TRMT10A: variants seen among roughly 807,000 people sequenced by gnomAD.
The protein encoded by TRMT10A is tRNA methyltransferase 10 homolog A.
TRMT10A carries 37 observed loss-of-function variants against 40.4 expected under a neutral mutation model. That is an observed-to-expected ratio of 0.92 (90% CI 0.71 to 1.21). The LOEUF is 1.21. TRMT10A is among the 50% of genes most tolerant of loss of function. TRMT10A has a pLI of 0.00. For synonymous variants in TRMT10A, 103 were observed against 134.1 expected (o/e 0.77, Z 1.60); for missense variants, 388 against 404.3 (o/e 0.96, Z 0.35).
rs367702691 is a variant in TRMT10A at position 99,552,888 on chromosome 4, T to TG, written c.645+896dup. On this transcript the variant is annotated intron_variant, in intron 6 of 7. Transcript: ENST00000394876. Reference sequence around the variant, plus strand: ...GTCAACTGATGGTTTGCATACTTGGTGGGGGGGGGAGGCAGCAAATAATAA... The same window carrying TG: ...GTCAACTGATGGTTTGCATACTTGGTGGGGGGGGGGAGGCAGCAAATAATAA... 4.5e-3 allele frequency among the ~76,000 whole-genome samples: 670 copies of TG among 148,616 alleles called. 7 individuals are homozygous for TG. Among genetic ancestry groups the TG allele is most frequent in the African/African-American group, 0.012 (494 of 40,626 alleles).
intron 5 of TRMT10A, among the ~76,000 whole-genome samples, chr4:99,555,382 C>T (rs1305215692): frequency 6.6e-6 from 1 of 152,126 alleles, no homozygotes; most frequent in Non-Finnish European, 1.5e-5. Flanking sequence ...CCCAGTACTT[C>T]CCTAAATAGG....
At chr4:99,563,867 G>T in intron 1 of TRMT10A, 46 bp downstream of exon 1, 2 of 694,060 alleles carry the variant, frequency 2.9e-6, no homozygotes, top group Non-Finnish European at 5.2e-6. Flanking sequence ...TGCGTCCAGA[G>T]AATACCATAG....
At chr4:99,558,244 T>G in intron 2 of TRMT10A, 33 bp from the exon 3 acceptor site, 1 of 1,533,534 alleles carries the variant, frequency 6.5e-7, no homozygotes, top group East Asian at 2.3e-5. Context: ...CATTTTGTTA[T>G]TGTGTATTCA....
intron 1 of TRMT10A, among the ~76,000 whole-genome samples, chr4:99,563,008 A>T (rs903979142): frequency 6.6e-6 from 1 of 151,996 alleles, no homozygotes; most frequent in Non-Finnish European, 1.5e-5. Context: ...TTCAGTAGAG[A>T]CGGGGTTTCA....
intron 3 of TRMT10A, 66 bp downstream of exon 3, chr4:99,557,983 A>G: frequency 7.1e-7 from 1 of 1,409,738 alleles, no homozygotes; most frequent in Non-Finnish European, 9.4e-7. Context: ...GGGATATTGC[A>G]TATTAAAACA....
chr4:99,557,975 G>C, intron 3 of TRMT10A, 74 bp downstream of exon 3: 1 of 1,331,592 alleles, frequency 7.5e-7, no homozygotes, highest in South Asian at 1.6e-5. Flanking sequence ...ACATAAAAGG[G>C]ATATTGCATA....
intron 1 of TRMT10A, among the ~76,000 whole-genome samples, chr4:99,560,936 T>C (rs1188223637): frequency 6.7e-6 from 1 of 149,352 alleles, no homozygotes; most frequent in Non-Finnish European, 1.5e-5. Context: ...ATGTGTTGAT[T>C]AGCTCTATGT....
At position 99,548,224 on chromosome 4, in the gene TRMT10A, TAGAGA is replaced by T. The variant is rs1723811674; in HGVS notation, c.*859_*863del. 6.6e-6 allele frequency: 1 copy of T among 151,918 alleles called. No individual in the cohort carries two copies. Among genetic ancestry groups the T allele is most frequent in the Non-Finnish European group, 1.5e-5 (1 of 67,932 alleles). 9.4% of individuals were successfully genotyped at this position (151,918 alleles called of 1,614,324 possible). On this transcript the variant is annotated 3_prime_UTR_variant, in exon 8 of 8. Coordinates refer to ENST00000394876, the MANE Select transcript of TRMT10A (RefSeq NM_001134665.3). ...AAACAAACATTAGTATGCATATTCTTAGAGAAGAGGAGGCAGATGCACCTATAAAC... is the reference window on the plus strand; with the variant it reads ...AAACAAACATTAGTATGCATATTCTTAGAGGAGGCAGATGCACCTATAAAC...
rs1390596236 is a variant in TRMT10A, at chr4:99,563,923, A to G, written c.-34T>C. The G allele has an allele frequency of 1.3e-5, 10 of 790,488 alleles. No individual in the cohort carries two copies. The highest frequency in any genetic ancestry group is 1.9e-5 in the Non-Finnish European group (9 of 467,252). The allele number at this position is 790,488 out of a possible 1,614,324, so 49.0% of individuals were successfully genotyped here. A position where few individuals can be genotyped will look rare whatever the true frequency, so the allele number is the denominator to read the frequency against. On this transcript the variant is annotated 5_prime_UTR_variant, in exon 1 of 8. Coordinates refer to ENST00000394876, the MANE Select transcript of TRMT10A (RefSeq NM_001134665.3). The stretch of plus-strand genomic sequence containing the variant: ...TGCCAGGACACTTACCGAGCTGAAG[A>G]GTTGACAGGGAAGTGAAATCTCAGA...
chr4:99,550,266 G>A (rs1053715969), intron 7 of TRMT10A, among the ~76,000 whole-genome samples: 1 of 152,034 alleles, frequency 6.6e-6, no homozygotes. Flanking sequence ...CATGGCTCAC[G>A]GCAGCCTCCA....
chr4:99,557,615 AC>A (rs556661610), intron 3 of TRMT10A, 199 bp from the exon 4 acceptor site: 248 of 487,168 alleles, frequency 5.1e-4, no homozygotes, highest in African/African-American at 3.7e-3. Context: ...TCTGTAAGTG[AC>A]CCATTATTTC....
chr4:99,552,190 G>A (rs1251303335), intron 6 of TRMT10A, among the ~76,000 whole-genome samples: 1 of 152,100 alleles, frequency 6.6e-6, no homozygotes, highest in East Asian at 1.9e-4. Context: ...AAAGTCTACA[G>A]CAGTGTACAG....
chr4:99,560,556 T>C (rs1392368975), intron 1 of TRMT10A, among the ~76,000 whole-genome samples: 1 of 151,942 alleles, frequency 6.6e-6, no homozygotes, highest in Non-Finnish European at 1.5e-5. Flanking sequence ...GAGATAAACA[T>C]ATAGCCTTGA....
At chr4:99,554,680 C>T (rs934604758) in intron 5 of TRMT10A, among the ~76,000 whole-genome samples, 8 of 131,006 alleles carry the variant, frequency 6.1e-5, no homozygotes, top group Admixed American at 4.4e-4. Flanking sequence ...GAGATTGCAC[C>T]ATTGCACTCC....
At chr4:99,563,883 G>T in intron 1 of TRMT10A, 30 bp downstream of exon 1, 1 of 710,170 alleles carries the variant, frequency 1.4e-6, no homozygotes. Flanking sequence ...CATAGTGCGG[G>T]GGAGCGCCAA....
intron 6 of TRMT10A, among the ~76,000 whole-genome samples, chr4:99,551,466 T>C (rs1415501174): frequency 1.3e-5 from 2 of 152,300 alleles, no homozygotes; most frequent in South Asian, 2.1e-4. Flanking sequence ...CCTAGTGACT[T>C]TGGAGCTGTT....
chr4:99,553,189 G>C (rs1308019819), intron 6 of TRMT10A, among the ~76,000 whole-genome samples: 1 of 152,076 alleles, frequency 6.6e-6, no homozygotes, highest in Non-Finnish European at 1.5e-5. Flanking sequence ...GTGCTCAATA[G>C]CCACAGACCT....
At chr4:99,551,032 A>T (rs1723944236) in intron 6 of TRMT10A, 42 bp from the exon 7 acceptor site, 3 of 1,383,172 alleles carry the variant, frequency 2.2e-6, no homozygotes, top group Non-Finnish European at 3.0e-6. Flanking sequence ...ACATTAAATT[A>T]TTTAAAGTTT....
intron 5 of TRMT10A, among the ~76,000 whole-genome samples, chr4:99,554,722 C>CAAAAAAAAAAAAAAAAAAAAAAA (rs532448105): frequency 1.1e-5 from 1 of 90,882 alleles, no homozygotes; most frequent in Non-Finnish European, 2.2e-5. Flanking sequence ...GACTACGTTT[C>CAAAAAAAAAAAAAAAAAAAAAAA]AAAAAAAAAA....
Sources: gnomAD v4.1 joint callset for allele counts (sites outside exome capture counted in the v4.1 genomes callset) on GRCh38, gnomAD v4.1.1 for gene constraint, MANE v1.5 for transcripts, NCBI Gene and HGNC (gene_info 2026-07-23, HGNC 2026-07-21) for gene names.